The following ASMTL variants were observed in gnomAD, a reference collection of about 807,000 sequenced individuals.
ASMTL encodes acetylserotonin O-methyltransferase like, also known as probable bifunctional dTTP/UTP pyrophosphatase/methyltransferase protein.
ASMTL carries 57 observed loss-of-function variants against 60.3 expected under a neutral mutation model. That is an observed-to-expected ratio of 0.95 (90% CI 0.76 to 1.18). The LOEUF is 1.18. Among genes scored for constraint, ASMTL ranks in the 50% most tolerant of loss-of-function variants. The probability of loss-of-function intolerance (pLI) is 0.00; values close to 1 mark genes in which losing one functional copy is unlikely to be tolerated. For missense variants in ASMTL, 981 were observed against 852.6 expected (o/e 1.15, Z -1.88); for synonymous variants, 419 against 373.0 (o/e 1.12, Z -1.42).
At chrX:1,420,538 C>T (rs2090455747) in intron 9 of ASMTL, among the ~76,000 whole-genome samples, 1 of 152,226 alleles carries the variant, frequency 6.6e-6, no homozygotes, top group Admixed American at 6.5e-5. Context: ...AGGCCACGGC[C>T]AGCCGAGCCC....
chrX:1,447,218 C>T (rs1225404837), intron 1 of ASMTL, among the ~76,000 whole-genome samples: 3 of 152,244 alleles, frequency 2.0e-5, no homozygotes, highest in Non-Finnish European at 4.4e-5. Context: ...CACCACCCCT[C>T]GTCCTGTTAT....
chrX:1,407,288 G>A (rs1603450231), intron 12 of ASMTL, among the ~76,000 whole-genome samples: 1 of 151,664 alleles, frequency 6.6e-6, no homozygotes, highest in South Asian at 2.1e-4. Flanking sequence ...TGGATGGATG[G>A]CTGAATAGAT....
At chrX:1,437,998 G>C (rs1189279803) in intron 3 of ASMTL, among the ~76,000 whole-genome samples, 1 of 149,632 alleles carries the variant, frequency 6.7e-6, no homozygotes, top group Non-Finnish European at 1.5e-5. Flanking sequence ...AAAAGAAGGG[G>C]AAAATTTCAG....
Position 1,418,839 on chromosome X carries a change from G to C in ASMTL, c.1378+143C>G, listed in dbSNP as rs2090390807. ...CTGGAACTTGGGAATATCCACCCAT[G>C]ATCTGGGACTCAGCCTGGCCCGGTT... On this transcript the variant is annotated intron_variant, in intron 10 of 12. Coordinates refer to ENST00000381317, the MANE Select transcript of ASMTL (RefSeq NM_004192.4). The C allele has an allele frequency of 2.9e-6, 3 of 1,045,674 alleles. No homozygotes were observed. The South Asian group carries it at 4.6e-5, about 16-fold the overall frequency. 64.8% of individuals were successfully genotyped at this position (1,045,674 alleles called of 1,614,324 possible).
At chrX:1,426,212 G>A (rs1307023143) in intron 7 of ASMTL, among the ~76,000 whole-genome samples, 3 of 152,206 alleles carry the variant, frequency 2.0e-5, no homozygotes, top group East Asian at 1.9e-4. Flanking sequence ...CTGCCCACAC[G>A]TTGATCTTGG....
At chrX:1,434,178 C>T (rs2090894887) in intron 5 of ASMTL, among the ~76,000 whole-genome samples, 1 of 152,102 alleles carries the variant, frequency 6.6e-6, no homozygotes, top group African/African-American at 2.4e-5. Flanking sequence ...ATACAACTGC[C>T]TGGGCCGGGC....
At chrX:1,407,623 C>G (rs1466979686) in intron 12 of ASMTL, among the ~76,000 whole-genome samples, 1 of 152,092 alleles carries the variant, frequency 6.6e-6, no homozygotes, top group Middle Eastern at 3.4e-3. Flanking sequence ...GTGGCTCACA[C>G]CTGTAATCGC....
At chrX:1,422,666 T>A (rs1178086866) in intron 8 of ASMTL, among the ~76,000 whole-genome samples, 1 of 152,030 alleles carries the variant, frequency 6.6e-6, no homozygotes, top group Non-Finnish European at 1.5e-5. Context: ...ACCACTCCGG[T>A]CCTCCTATGT....
chrX:1,425,803 C>T (rs1194707273), intron 7 of ASMTL, 116 bp from the exon 8 acceptor site: 24 of 1,010,590 alleles, frequency 2.4e-5, no homozygotes, highest in Middle Eastern at 6.5e-4. Flanking sequence ...GGCCATTGAG[C>T]CTTCTTTCAC....
rs769110474 is a variant in ASMTL, at chrX:1,413,847, C to T, written c.1523-993G>A. The T allele has an allele frequency of 1.9e-3, 284 of 150,468 alleles. 2 individuals carry two copies. Among genetic ancestry groups the T allele is most frequent in the Admixed American group, 4.9e-3 (73 of 14,972 alleles). The allele number at this position is 150,468 out of a possible 1,614,324, so 9.3% of individuals were successfully genotyped here. The stretch of plus-strand genomic sequence containing the variant: ...AGTGATGCGGCCACAAGCCCAGGGA[C>T]GCCTGGAGCCCCCAGGAGCTGGAAG... On this transcript the variant is annotated intron_variant, in intron 11 of 12. Transcript: ENST00000381317.
At chrX:1,447,430 C>CCACCATCTTGGACACA (rs1345481068) in intron 1 of ASMTL, among the ~76,000 whole-genome samples, 1 of 151,834 alleles carries the variant, frequency 6.6e-6, no homozygotes, top group Non-Finnish European at 1.5e-5. Context: ...TGGATAAGCA[C>CCACCATCTTGGACACA]CACCATCTTG....
At position 1,419,097 on chromosome X, in the gene ASMTL, G is replaced by T. The variant is rs182910525; in HGVS notation, c.1263C>A (p.Ser421Arg). Residue 421 changes from serine (S) to arginine (R), a missense_variant, in exon 10 of 13, where the codon AGC (serine) becomes AGA (arginine). Ser to Arg is a moderately radical substitution (Grantham distance 110, BLOSUM62 -1). Transcript: ENST00000381317. The stretch of plus-strand genomic sequence containing the variant: ...GCATGAACCTCAGCCGCGTCTCCGG[G>T]CTCTGGTAGTACGCATCCTGGAACA... ...EDLFQDAYYQ[S>R]PETRLRFMRA... 668 of 1,611,316 alleles carry T rather than the reference G, an allele frequency of 4.1e-4. 1 individual carries two copies. In the African/African-American group the frequency reaches 6.2e-3, roughly 15 times the overall value.
In ASMTL at chrX:1,431,275, A is replaced by G. The variant is rs781342636; in HGVS notation, c.509+994T>C. ...TAAATATATGTAATTATATATTTAT[A>G]TATAAATAAAATTAAATATATAAAA... On this transcript the variant is annotated intron_variant, in intron 6 of 12. Transcript: ENST00000381317. Among the ~76,000 whole-genome samples the G allele has an allele frequency of 2.8e-3, 360 of 129,916 alleles. 3 individuals are homozygous for G. Among genetic ancestry groups the G allele is most frequent in the African/African-American group, 9.9e-3 (348 of 35,114 alleles). The allele number at this position is 129,916 out of a possible 152,430, so 85.2% of individuals were successfully genotyped here. A position where few individuals can be genotyped will look rare whatever the true frequency, so the allele number is the denominator to read the frequency against.
At chrX:1,443,567 CCGCCAT>C (rs2091166752) in intron 1 of ASMTL, among the ~76,000 whole-genome samples, 1 of 151,934 alleles carries the variant, frequency 6.6e-6, no homozygotes, top group East Asian at 1.9e-4. Flanking sequence ...TGGACACACA[CCGCCAT>C]CATGGACACA....
intron 6 of ASMTL, among the ~76,000 whole-genome samples, chrX:1,428,546 C>G (rs1228720528): frequency 6.6e-6 from 1 of 151,520 alleles, no homozygotes; most frequent in Admixed American, 6.6e-5. Flanking sequence ...ACCCAGGAGG[C>G]TGAGACAGGA....
intron 1 of ASMTL, among the ~76,000 whole-genome samples, chrX:1,447,235 A>G (rs1206328268): frequency 1.3e-5 from 2 of 152,234 alleles, no homozygotes; most frequent in Non-Finnish European, 2.9e-5. Flanking sequence ...TTATAACTAG[A>G]GGGTCTGGAT....
chrX:1,429,924 A>T (rs2090723151), intron 6 of ASMTL, among the ~76,000 whole-genome samples: 1 of 152,104 alleles, frequency 6.6e-6, no homozygotes. Flanking sequence ...AAGACTTCAG[A>T]TGTAGTGTGC....
upstream of ASMTL, among the ~76,000 whole-genome samples, chrX:1,453,419 C>T (rs1343136391): frequency 6.6e-6 from 1 of 151,928 alleles, no homozygotes; most frequent in Non-Finnish European, 1.5e-5. Context: ...GGCCCCGTCC[C>T]CGCCCCCGGC....
intron 5 of ASMTL, 84 bp downstream of exon 5, chrX:1,434,938 C>T: frequency 6.7e-7 from 1 of 1,495,694 alleles, no homozygotes; most frequent in Admixed American, 1.7e-5. Flanking sequence ...CAACCGTCCT[C>T]CTCCCTCAAG....
Sources: allele counts gnomAD v4.1 joint callset (sites outside exome capture counted in the v4.1 genomes callset), GRCh38; gene constraint gnomAD v4.1.1; transcripts MANE v1.5; gene names NCBI Gene and HGNC (gene_info 2026-07-23, HGNC 2026-07-21).